PACRG: variants seen among roughly 807,000 people sequenced by gnomAD.
PACRG encodes the protein parkin coregulated gene protein.
PACRG carries 29 observed loss-of-function variants against 29.7 expected under a neutral mutation model. The ratio of observed to expected loss-of-function variants is 0.98; its 90% confidence interval spans 0.73 to 1.33. The LOEUF (loss-of-function observed/expected upper bound fraction) is 1.33. Among genes scored for constraint, PACRG ranks in the 40% most tolerant of loss-of-function variants. The pLI is 0.00. For missense variants in PACRG, 279 were observed against 316.2 expected, an observed-to-expected ratio of 0.88 and a Z score of 0.89; for synonymous variants, 116 against 118.7, an observed-to-expected ratio of 0.98 and a Z score of 0.15.
intron 2 of PACRG, among the ~76,000 whole-genome samples, chr6:163,013,105 T>C (rs1805765555): frequency 6.6e-6 from 1 of 151,930 alleles, no homozygotes; most frequent in African/African-American, 2.4e-5. Context: ...TAAAATATAT[T>C]ATTAATATTA....
chr6:163,285,836 T>G (rs879764256), intron 4 of PACRG, among the ~76,000 whole-genome samples: 1 of 152,114 alleles, frequency 6.6e-6, no homozygotes, highest in Non-Finnish European at 1.5e-5. Flanking sequence ...CCACAGTAGG[T>G]GCACCATCCG....
chr6:163,210,795 G>T (rs972995718), intron 4 of PACRG, among the ~76,000 whole-genome samples: 1 of 152,178 alleles, frequency 6.6e-6, no homozygotes, highest in Non-Finnish European at 1.5e-5. Flanking sequence ...GGAAGATATA[G>T]GACATGTTAA....
chr6:162,959,851 C>T (rs1800465794), intron 2 of PACRG, among the ~76,000 whole-genome samples: 1 of 152,092 alleles, frequency 6.6e-6, no homozygotes, highest in African/African-American at 2.4e-5. Context: ...TATATATGCA[C>T]TCAGTCATAA....
At chr6:163,150,359 G>C (rs1283723666) in intron 4 of PACRG, among the ~76,000 whole-genome samples, 6 of 152,160 alleles carry the variant, frequency 3.9e-5, no homozygotes, top group African/African-American at 1.4e-4. Context: ...GGACACACCA[G>C]GCCGCCCACT....
chr6:162,997,435 A>G, intron 2 of PACRG: 1 of 454,794 alleles, frequency 2.2e-6, no homozygotes. Context: ...ACAAAACCAC[A>G]TCACCTTGGC....
At chr6:162,946,367 T>C (rs1229217599) in intron 2 of PACRG, among the ~76,000 whole-genome samples, 1 of 152,016 alleles carries the variant, frequency 6.6e-6, no homozygotes, top group Non-Finnish European at 1.5e-5. Flanking sequence ...TGAACAATTA[T>C]ACACTTACAA....
intron 4 of PACRG, among the ~76,000 whole-genome samples, chr6:163,308,455 C>T (rs1031154303): frequency 1.3e-5 from 2 of 152,144 alleles, no homozygotes; most frequent in African/African-American, 4.8e-5. Flanking sequence ...CACTTGAGGC[C>T]AGGAGTTCGA....
At chr6:163,172,778 G>C (rs1302028071) in intron 4 of PACRG, among the ~76,000 whole-genome samples, 2 of 152,282 alleles carry the variant, frequency 1.3e-5, no homozygotes, top group South Asian at 2.1e-4. Flanking sequence ...TGCCAATTAG[G>C]TTTTAAAATA....
chr6:163,179,570 T>A (rs935879456), intron 4 of PACRG, among the ~76,000 whole-genome samples: 4 of 152,006 alleles, frequency 2.6e-5, no homozygotes, highest in African/African-American at 9.7e-5. Context: ...TCCAGGTGTG[T>A]TGGCACGTGC....
At chr6:162,976,910 G>A (rs889633021) in intron 2 of PACRG, among the ~76,000 whole-genome samples, 16 of 151,794 alleles carry the variant, frequency 1.1e-4, no homozygotes, top group Admixed American at 3.9e-4. Flanking sequence ...AAAAAAATAC[G>A]CAAAATGAAA....
chr6:162,999,367 A>G (rs149440699), intron 2 of PACRG, among the ~76,000 whole-genome samples: 28 of 152,312 alleles, frequency 1.8e-4, no homozygotes, highest in Middle Eastern at 3.4e-3. Context: ...AATTCAGCAG[A>G]CATTTTTCAG....
intron 2 of PACRG, among the ~76,000 whole-genome samples, chr6:163,045,232 G>A (rs543853595): frequency 2.6e-5 from 4 of 152,248 alleles, no homozygotes; most frequent in South Asian, 2.1e-4. Flanking sequence ...AGAGGGGCAC[G>A]AGGGAGCCAC....
intron 1 of PACRG, among the ~76,000 whole-genome samples, chr6:162,739,562 G>T (rs1435571391): frequency 2.0e-5 from 3 of 151,470 alleles, no homozygotes; most frequent in African/African-American, 4.9e-5. Flanking sequence ...AATTTTTGTC[G>T]GCCAGGCGTG....
intron 1 of PACRG, among the ~76,000 whole-genome samples, chr6:162,747,406 A>AAC (rs1781139187): frequency 1.7e-5 from 2 of 118,870 alleles, no homozygotes; most frequent in African/African-American, 3.5e-5. Context: ...ATATATGTAT[A>AAC]TATATATATA....
chr6:162,925,243 G>C (rs1797347222), intron 2 of PACRG, among the ~76,000 whole-genome samples: 1 of 152,100 alleles, frequency 6.6e-6, no homozygotes, highest in Non-Finnish European at 1.5e-5. Flanking sequence ...GTACAAAGAG[G>C]AGCTGGTACC....
intron 4 of PACRG, among the ~76,000 whole-genome samples, chr6:163,154,965 A>C: frequency 6.8e-6 from 1 of 147,906 alleles, no homozygotes; most frequent in East Asian, 2.2e-4. Context: ...TTAAAAATTA[A>C]ATGTGGAAAA....
At chr6:162,791,455 A>T (rs865987079) in intron 1 of PACRG, among the ~76,000 whole-genome samples, 7 of 151,656 alleles carry the variant, frequency 4.6e-5, no homozygotes, top group Admixed American at 6.6e-5. Flanking sequence ...GGCTTCTTTT[A>T]TCTGCTATTT....
At chr6:163,166,414 A>G (rs1486890736) in intron 4 of PACRG, among the ~76,000 whole-genome samples, 11 of 152,268 alleles carry the variant, frequency 7.2e-5, no homozygotes, top group Admixed American at 7.2e-4. Context: ...GGGGCAGATT[A>G]AACTTTGAAT....
intron 4 of PACRG, chr6:163,166,073 G>T (rs1158996375): frequency 2.2e-6 from 1 of 456,196 alleles, no homozygotes; most frequent in Non-Finnish European, 4.4e-6. Flanking sequence ...CAGATGCATT[G>T]TTTGGAGTAA....
Sources: gnomAD v4.1 joint callset for allele counts (sites outside exome capture counted in the v4.1 genomes callset) on GRCh38, gnomAD v4.1.1 for gene constraint, MANE v1.5 for transcripts, NCBI Gene and HGNC (gene_info 2026-07-23, HGNC 2026-07-21) for gene names.